Variants in PPP1R9B observed in about 807,000 individuals in gnomAD.
The protein encoded by PPP1R9B is protein phosphatase 1 regulatory subunit 9B.
A neutral mutation model predicts 75.8 loss-of-function variants in PPP1R9B; 17 were observed. That is an observed-to-expected ratio of 0.22 (90% CI 0.15 to 0.34). The LOEUF is 0.34. PPP1R9B is among the 10% of genes least tolerant of loss of function. PPP1R9B has a pLI of 1.00. For synonymous variants in PPP1R9B, 509 were observed against 535.4 expected (o/e 0.95, Z 0.68); for missense variants, 875 against 1,196.0 (o/e 0.73, Z 3.96).
intron 1 of PPP1R9B, among the ~76,000 whole-genome samples, chr17:50,148,192 C>G (rs942286865): frequency 6.6e-6 from 1 of 152,220 alleles, no homozygotes; most frequent in Non-Finnish European, 1.5e-5. Context: ...TTCTGAGGAT[C>G]TCAAAGCTCT....
At position 50,150,437 on chromosome 17, in the gene PPP1R9B, C is replaced by A; in HGVS notation, c.77G>T (p.Gly26Val). Residue 26 changes from glycine to valine, a missense_variant, in exon 1 of 10, where the codon GGC becomes GTC. Around this residue, in one of 4 missense-constraint regions of PPP1R9B, gnomAD observed 145 missense variants for 226.1 expected, o/e 0.64. Coordinates refer to ENST00000612501, the MANE Select transcript of PPP1R9B (RefSeq NM_032595.5). This position sits in a 1 kb window ranked among gnomAD's most constrained non-coding sequence, Gnocchi z 8.7. ...GTCGGGCGGCTTCAGCGCCTGGATG[C>A]CCGCCTCGTAGGCGCTGCGGTGCGG... ...ASPHRSAYEA[G>V]IQALKPPDAP... The A allele has an allele frequency of 7.2e-7, 1 of 1,385,574 alleles. No homozygotes were observed. Among genetic ancestry groups the A allele is most frequent in the Non-Finnish European group, 9.4e-7 (1 of 1,064,418 alleles). The allele number at this position is 1,385,574 out of a possible 1,614,324, so 85.8% of individuals were successfully genotyped here. A position where few individuals can be genotyped will look rare whatever the true frequency, so the allele number is the denominator to read the frequency against.
Position 50,135,298 on chromosome 17 carries a change from G to T in PPP1R9B, c.*33C>A, listed in dbSNP as rs752172772. On this transcript the variant is annotated 3_prime_UTR_variant, in exon 10 of 10. Transcript: ENST00000612501. Reference sequence around the variant, plus strand: ...GGGGAGGGAGGACAATGGGAGGGGGGTTAATTATTGTCCAGTCATGGAATG... The same window carrying T: ...GGGGAGGGAGGACAATGGGAGGGGGTTTAATTATTGTCCAGTCATGGAATG... 1.3e-6 allele frequency: 2 copies of T among 1,573,864 alleles called. No homozygotes were observed. Among genetic ancestry groups the T allele is most frequent in the Non-Finnish European group, 8.7e-7 (1 of 1,144,184 alleles).
In PPP1R9B at chr17:50,135,246, AG is replaced by A; in HGVS notation, c.*84del. The A allele has an allele frequency of 1.1e-6, 1 of 935,936 alleles. No individual in the cohort carries two copies. Among genetic ancestry groups the A allele is most frequent in the Non-Finnish European group, 1.5e-6 (1 of 659,884 alleles). 58.0% of individuals were successfully genotyped at this position (935,936 alleles called of 1,614,324 possible). A position where few individuals can be genotyped will look rare whatever the true frequency, so the allele number is the denominator to read the frequency against. On this transcript the variant is annotated 3_prime_UTR_variant, in exon 10 of 10. Transcript: ENST00000612501. ...TCGGGGCACCTGTCCCCAGGCTGGA[AG>A]GGGGAGGGGTGGGGTGTTGAGGACA...
In PPP1R9B at chr17:50,139,577, C is replaced by T; in HGVS notation, c.1871G>A (p.Gly624Glu). ...AQYGEDDEET[G>E]EYATDEDEEL... ...CTCATCCTCGTCAGTGGCATACTCTCCCGTCTGCGAAGGGAGACCGGAGAC... is the reference window on the plus strand; with the variant it reads ...CTCATCCTCGTCAGTGGCATACTCTTCCGTCTGCGAAGGGAGACCGGAGAC... Residue 624 changes from glycine (G) to glutamate (E), a missense_variant, in exon 6 of 10, where the codon GGA becomes GAA. Gly to Glu is a moderately conservative substitution (Grantham distance 98). Transcript: ENST00000612501. This position sits in a 1 kb window ranked among gnomAD's most constrained non-coding sequence, Gnocchi z 5.0. 1.3e-6 allele frequency: 2 copies of T among 1,549,012 alleles called. No individual in the cohort carries two copies. Among genetic ancestry groups the T allele is most frequent in the Non-Finnish European group, 1.7e-6 (2 of 1,147,130 alleles).
At position 50,145,203 on chromosome 17, in the gene PPP1R9B, C is replaced by T. The variant is rs1369760688; in HGVS notation, c.1414G>A (p.Glu472Lys). The change falls in exon 2 of 10, where the codon GAG becomes AAG. Residue 472 changes from glutamate (E) to lysine (K), a missense_variant. This residue lies in a region of PPP1R9B where 63 missense variants were observed against 160.2 expected (regional missense o/e 0.39). Transcript: ENST00000612501. ...GAGGCTGCCATGGGATCCACATCCT[C>T]GTTGCGACGATCGTAATCCTCGTTG... ...YSNEDYDRRN[E>K]DVDPMAASAE... 5 of 1,613,970 alleles carry T rather than the reference C, an allele frequency of 3.1e-6. No homozygotes were observed. Among genetic ancestry groups the T allele is most frequent in the East Asian group, 2.2e-5 (1 of 44,886 alleles).
rs147478916 is a variant in PPP1R9B, at chr17:50,147,695, G to A, written c.1371+1448C>T. On this transcript the variant is annotated intron_variant, in intron 1 of 9. Transcript: ENST00000612501. ...TCCAAACTCTGCTTCAGAGTCCCAA[G>A]AAACACTACAGTCCCCCATTCCCTT... Among the ~76,000 whole-genome samples, 238 of 152,186 alleles carry A rather than the reference G, an allele frequency of 1.6e-3. 2 individuals are homozygous for A. The highest frequency in any genetic ancestry group is 0.01 in the Middle Eastern group (3 of 294).
rs1482297645 is a variant in PPP1R9B, at chr17:50,134,001, G to A, written c.*1330C>T. ...GCACATCTGGGGATAGGAAGGGGTG[G>A]GGACAAGAAATACTGATCGAAGTCA... On this transcript the variant is annotated 3_prime_UTR_variant, in exon 10 of 10. Coordinates refer to ENST00000612501, the MANE Select transcript of PPP1R9B (RefSeq NM_032595.5). 1 of 152,584 alleles carries A rather than the reference G, an allele frequency of 6.6e-6. No individual in the cohort carries two copies. Among genetic ancestry groups the A allele is most frequent in the Non-Finnish European group, 1.5e-5 (1 of 67,996 alleles). 9.5% of individuals were successfully genotyped at this position (152,584 alleles called of 1,614,324 possible). A position where few individuals can be genotyped will look rare whatever the true frequency, so the allele number is the denominator to read the frequency against.
At chr17:50,145,018 G>A in intron 2 of PPP1R9B, 95 bp downstream of exon 2, 4 of 1,447,340 alleles carry the variant, frequency 2.8e-6, no homozygotes, top group Non-Finnish European at 3.7e-6. Context: ...AAGTCTGTGG[G>A]AGCCCCTGAG....
chr17:50,148,315 G>A (rs1017555639), intron 1 of PPP1R9B, among the ~76,000 whole-genome samples: 4 of 152,234 alleles, frequency 2.6e-5, no homozygotes, highest in Non-Finnish European at 5.9e-5. Context: ...AACACTTGGG[G>A]CCTGCCAAGG....
intron 7 of PPP1R9B, among the ~76,000 whole-genome samples, chr17:50,136,428 G>A (rs929343868): frequency 6.6e-6 from 1 of 152,102 alleles, no homozygotes; most frequent in African/African-American, 2.4e-5. Flanking sequence ...CACCCCACTC[G>A]CAGGGAGGCT....
chr17:50,149,091 C>G lies in PPP1R9B; in HGVS notation c.1371+52G>C, dbSNP rs1315523302. On this transcript the variant is annotated intron_variant, in intron 1 of 9. Transcript: ENST00000612501. The surrounding 1 kb of genome is among the most constrained non-coding windows in gnomAD (Gnocchi z 7.2). ...TGGCTGGCTGGCGAGCGGGGGCGGCCGCGTGCACGTGGCAGGGGCGGCGCG... is the reference window on the plus strand; with the variant it reads ...TGGCTGGCTGGCGAGCGGGGGCGGCGGCGTGCACGTGGCAGGGGCGGCGCG... 3 of 1,291,546 alleles carry G rather than the reference C, an allele frequency of 2.3e-6. No individual in the cohort carries two copies. Among genetic ancestry groups the G allele is most frequent in the East Asian group, 6.1e-5 (2 of 32,992 alleles). The allele number at this position is 1,291,546 out of a possible 1,614,324, so 80.0% of individuals were successfully genotyped here.
At chr17:50,145,304 T>G in intron 1 of PPP1R9B, 59 bp from the exon 2 acceptor site, 3 of 1,604,708 alleles carry the variant, frequency 1.9e-6, no homozygotes, top group Non-Finnish European at 2.5e-6. Context: ...AGAACTGGCA[T>G]GAGGAGGCCG....
intron 7 of PPP1R9B, among the ~76,000 whole-genome samples, chr17:50,137,120 C>T (rs1181657170): frequency 6.6e-6 from 1 of 152,068 alleles, no homozygotes; most frequent in Non-Finnish European, 1.5e-5. Flanking sequence ...CCCCCATCTA[C>T]CCTCCTGCTT....
rs1404642043 is a variant in PPP1R9B, at chr17:50,136,005, T to C, written c.2266A>G (p.Ser756Gly). The change falls in exon 8 of 10, where the codon AGC (serine) becomes GGC (glycine). Residue 756 changes from serine (S) to glycine (G), a missense_variant. Physicochemically the swap from Ser to Gly is moderately conservative, Grantham distance 56 (BLOSUM62 0). Coordinates refer to ENST00000612501, the MANE Select transcript of PPP1R9B (RefSeq NM_032595.5). ...TCCTTGATGAGGCGCTTGGCCTTGC[T>C]GTACTTGCGCTCCAGGGCCTGGTAC... ...AQYQALERKY[S>G]KAKRLIKDYQ... The C allele has an allele frequency of 6.3e-7, 1 of 1,595,504 alleles. No individual in the cohort carries two copies. Among genetic ancestry groups the C allele is most frequent in the Non-Finnish European group, 8.5e-7 (1 of 1,171,158 alleles).
At chr17:50,135,750 C>T in intron 8 of PPP1R9B, 101 bp from the exon 9 acceptor site, 1 of 1,111,174 alleles carries the variant, frequency 9.0e-7, no homozygotes, top group South Asian at 1.4e-5. Flanking sequence ...CTCTGTCCTT[C>T]CCTGTTCTCA....
intron 8 of PPP1R9B, 106 bp from the exon 9 acceptor site, chr17:50,135,755 T>C: frequency 1.9e-6 from 2 of 1,079,676 alleles, no homozygotes; most frequent in Non-Finnish European, 2.7e-6. Flanking sequence ...TCCTTCCCTG[T>C]TCTCAGGTCA....
intron 7 of PPP1R9B, 59 bp from the exon 8 acceptor site, chr17:50,136,256 C>A: frequency 1.4e-6 from 2 of 1,452,116 alleles, no homozygotes; most frequent in East Asian, 4.8e-5. Flanking sequence ...AAAGGGTACC[C>A]CCATCCTAGC....
Position 50,149,063 on chromosome 17 carries a change from G to A in PPP1R9B, c.1371+80C>T, listed in dbSNP as rs898874627. Reference sequence around the variant, plus strand: ...GGGGCTGACTCAGCCTGCCAAACCCGGCTGGCTGGCTGGCGAGCGGGGGCG... The same window carrying A: ...GGGGCTGACTCAGCCTGCCAAACCCAGCTGGCTGGCTGGCGAGCGGGGGCG... On this transcript the variant is annotated intron_variant, in intron 1 of 9. Transcript: ENST00000612501. The surrounding 1 kb of genome is among the most constrained non-coding windows in gnomAD (Gnocchi z 7.2). 4.4e-4 allele frequency: 462 copies of A among 1,050,260 alleles called. 2 individuals carry two copies. The highest frequency in any genetic ancestry group is 9.5e-4 in the Middle Eastern group (3 of 3,166). 65.1% of individuals were successfully genotyped at this position (1,050,260 alleles called of 1,614,324 possible).
intron 1 of PPP1R9B, among the ~76,000 whole-genome samples, chr17:50,146,888 A>G (rs1598249669): frequency 6.6e-6 from 1 of 152,184 alleles, no homozygotes; most frequent in East Asian, 1.9e-4. Context: ...AGGCTCTGGG[A>G]CAGGGCTGAT....
Sources: gnomAD v4.1 joint callset for allele counts (sites outside exome capture counted in the v4.1 genomes callset) on GRCh38, gnomAD v4.1.1 for gene constraint, gnomAD v4.1.1 regional missense constraint, Gnocchi (gnomAD v3.1) non-coding constraint, MANE v1.5 for transcripts, NCBI Gene and HGNC (gene_info 2026-07-23, HGNC 2026-07-21) for gene names.